ERBB4: variants seen among roughly 807,000 people sequenced by gnomAD.
ERBB4 encodes the protein receptor tyrosine-protein kinase erbB-4.
Under a neutral mutation model 158.0 loss-of-function variants are expected in ERBB4, and 42 were observed. That is an observed-to-expected ratio of 0.27 (90% CI 0.21 to 0.34). ERBB4 has a LOEUF of 0.34. Ranked by LOEUF, ERBB4 falls within the 10% of genes least tolerant of loss-of-function variation. The pLI, the probability that ERBB4 is intolerant of heterozygous loss-of-function variation, is 1.00. For synonymous variants in ERBB4, 583 were observed against 558.7 expected (o/e 1.04, Z -0.61); for missense variants, 1,333 against 1,624.1 (o/e 0.82, Z 3.08).
chr2:211,896,166 C>CATT (rs1437540851), intron 3 of ERBB4, among the ~76,000 whole-genome samples: 1 of 152,178 alleles, frequency 6.6e-6, no homozygotes, highest in Admixed American at 6.5e-5. Flanking sequence ...TTCACTGGAA[C>CATT]ATTAGACCTA....
chr2:211,789,745 T>G (rs780294423), intron 3 of ERBB4, among the ~76,000 whole-genome samples: 49 of 152,170 alleles, frequency 3.2e-4, no homozygotes, highest in Non-Finnish European at 6.5e-4. Context: ...TCATCTCTCT[T>G]GTGTGGAACC....
At chr2:211,968,409 T>G (rs939762578) in intron 2 of ERBB4, among the ~76,000 whole-genome samples, 2 of 152,068 alleles carry the variant, frequency 1.3e-5, no homozygotes, top group Non-Finnish European at 2.9e-5. Context: ...TATGTTTTAA[T>G]GCAGATTTCA....
intron 1 of ERBB4, among the ~76,000 whole-genome samples, chr2:212,145,900 G>A (rs1232509974): frequency 2.0e-5 from 3 of 151,962 alleles, no homozygotes; most frequent in Non-Finnish European, 4.4e-5. Context: ...CACCACTGTG[G>A]AAAACTCTTT....
intron 2 of ERBB4, among the ~76,000 whole-genome samples, chr2:211,984,418 C>T (rs188459622): frequency 4.5e-4 from 69 of 152,150 alleles, no homozygotes; most frequent in Non-Finnish European, 6.6e-4. Flanking sequence ...CTGAAAATTG[C>T]ATAATTTACA....
intron 2 of ERBB4, among the ~76,000 whole-genome samples, chr2:212,009,925 G>A (rs780174101): frequency 7.9e-5 from 12 of 152,088 alleles, no homozygotes; most frequent in Non-Finnish European, 1.8e-4. Flanking sequence ...CCTTCCTTGA[G>A]CCATATCTGT....
At chr2:211,716,738 C>A (rs147885360) in intron 7 of ERBB4, among the ~76,000 whole-genome samples, 1 of 152,016 alleles carries the variant, frequency 6.6e-6, no homozygotes, top group Admixed American at 6.6e-5. Flanking sequence ...AAAGAAGAAG[C>A]TTAATGTCCT....
intron 3 of ERBB4, among the ~76,000 whole-genome samples, chr2:211,934,788 T>TA (rs1328777718): frequency 2.0e-5 from 3 of 151,908 alleles, no homozygotes; most frequent in Admixed American, 6.6e-5. Context: ...CCTGTGTCTG[T>TA]AGAAATAAGC....
chr2:211,884,427 A>C (rs1258494011), intron 3 of ERBB4, among the ~76,000 whole-genome samples: 2 of 152,164 alleles, frequency 1.3e-5, no homozygotes, highest in Non-Finnish European at 2.9e-5. Flanking sequence ...CAGAAAAGTA[A>C]TGTCTTACTT....
chr2:211,810,995 G>A (rs537299300), intron 3 of ERBB4, among the ~76,000 whole-genome samples: 41 of 152,140 alleles, frequency 2.7e-4, no homozygotes, highest in African/African-American at 9.1e-4. Context: ...TTTTAATTGG[G>A]GTGTTCAGCC....
At chr2:212,208,510 A>G (rs1347054329) in intron 1 of ERBB4, among the ~76,000 whole-genome samples, 1 of 152,222 alleles carries the variant, frequency 6.6e-6, no homozygotes, top group African/African-American at 2.4e-5. Context: ...ATATTGGAAT[A>G]GGACACAACT....
Position 212,446,671 on chromosome 2 carries a change from C to G in ERBB4, c.82+91778G>C, listed in dbSNP as rs1382232364. 2.5e-5 allele frequency among the ~76,000 whole-genome samples: 3 copies of G among 120,720 alleles called. No individual in the cohort carries two copies. The Admixed American group carries it at 2.8e-4, about 11-fold the overall frequency. The allele number at this position is 120,720 out of a possible 152,430, so 79.2% of individuals were successfully genotyped here. On this transcript the variant is annotated intron_variant, in intron 1 of 27. Transcript: ENST00000342788. Reference sequence around the variant, plus strand: ...GTTCTGTCCCTCTAGAGAACCCTGACTAATACACCAGGGTATGTGAAAACT... The same window carrying G: ...GTTCTGTCCCTCTAGAGAACCCTGAGTAATACACCAGGGTATGTGAAAACT...
In ERBB4 at chr2:212,090,297, A is replaced by G. The variant is rs564387803; in HGVS notation, c.234+34455T>C. On this transcript the variant is annotated intron_variant, in intron 2 of 27. Transcript: ENST00000342788. ...AAGCCTATTATTTGTAATCACTGCT[A>G]TTATAACAGTTATTCAATGCCCATT... Among the ~76,000 whole-genome samples, 19 of 152,310 alleles carry G rather than the reference A, an allele frequency of 1.2e-4. No homozygotes were observed. In the East Asian group the frequency reaches 3.7e-3, roughly 29 times the overall value.
intron 1 of ERBB4, among the ~76,000 whole-genome samples, chr2:212,350,827 G>A (rs2089221081): frequency 6.6e-6 from 1 of 151,988 alleles, no homozygotes; most frequent in Non-Finnish European, 1.5e-5. Flanking sequence ...AATGCACATT[G>A]TCAAGACTTG....
chr2:212,465,603 C>A (rs149444289), intron 1 of ERBB4, among the ~76,000 whole-genome samples: 1 of 152,220 alleles, frequency 6.6e-6, no homozygotes, highest in African/African-American at 2.4e-5. Flanking sequence ...CAAAGCAAAG[C>A]GTTTATAGTC....
At chr2:212,495,602 A>C (rs1157412131) in intron 1 of ERBB4, among the ~76,000 whole-genome samples, 2 of 152,186 alleles carry the variant, frequency 1.3e-5, no homozygotes, top group African/African-American at 2.4e-5. Context: ...ATAGAAATGT[A>C]CCTGGCGAGG....
Position 211,726,097 on chromosome 2 carries a change from A to T in ERBB4, c.623-903T>A, listed in dbSNP as rs2074256369. ...ATTTAAGGTATGAATTTTACAGGATATGTATAGTATATCACTTCCTGGTTT... is the reference window on the plus strand; with the variant it reads ...ATTTAAGGTATGAATTTTACAGGATTTGTATAGTATATCACTTCCTGGTTT... On this transcript the variant is annotated intron_variant, in intron 5 of 27. Transcript: ENST00000342788. 2.0e-5 allele frequency among the ~76,000 whole-genome samples: 3 copies of T among 152,302 alleles called. No homozygotes were observed. In the South Asian group the frequency reaches 6.2e-4, roughly 32 times the overall value.
intron 20 of ERBB4, among the ~76,000 whole-genome samples, chr2:211,440,474 C>G (rs16846184): frequency 6.6e-6 from 1 of 152,164 alleles, no homozygotes; most frequent in Non-Finnish European, 1.5e-5. Flanking sequence ...CAAATGCATT[C>G]AGAGACTACA....
intron 1 of ERBB4, among the ~76,000 whole-genome samples, chr2:212,163,767 G>T (rs1415663656): frequency 6.6e-6 from 1 of 151,792 alleles, no homozygotes; most frequent in Admixed American, 6.6e-5. Context: ...TTTTAGAAAA[G>T]ACCTTTTGTG....
At chr2:212,423,397 G>A (rs924248785) in intron 1 of ERBB4, among the ~76,000 whole-genome samples, 24 of 152,300 alleles carry the variant, frequency 1.6e-4, no homozygotes, top group Admixed American at 9.2e-4. Flanking sequence ...GCTGAAAGAA[G>A]ACCATGTATA....
Sources: gnomAD v4.1 joint callset for allele counts (sites outside exome capture counted in the v4.1 genomes callset) on GRCh38, gnomAD v4.1.1 for gene constraint, MANE v1.5 for transcripts, NCBI Gene and HGNC (gene_info 2026-07-23, HGNC 2026-07-21) for gene names.